BBOF1: variants seen among roughly 807,000 people sequenced by gnomAD.
The protein encoded by BBOF1 is basal body orientation factor 1.
A neutral mutation model predicts 68.0 loss-of-function variants in BBOF1; 62 were observed. That is an observed-to-expected ratio of 0.91 (90% CI 0.74 to 1.13). The LOEUF (loss-of-function observed/expected upper bound fraction) is 1.13. Among genes scored for constraint, BBOF1 ranks in the 50% most tolerant of loss-of-function variants. BBOF1 has a pLI of 0.00. For synonymous variants in BBOF1, 208 were observed against 198.8 expected, an observed-to-expected ratio of 1.05 and a Z score of -0.39; for missense variants, 534 against 600.1, an observed-to-expected ratio of 0.89 and a Z score of 1.15.
At chr14:74,023,266 T>A (rs985234667) in intron 2 of BBOF1, 122 bp downstream of exon 2, 2 of 586,794 alleles carry the variant, frequency 3.4e-6, no homozygotes, top group African/African-American at 1.9e-5. Context: ...ACATTTCAAT[T>A]GACCTTAACT....
intron 8 of BBOF1, 45 bp downstream of exon 8, chr14:74,050,240 G>A (rs867612073): frequency 1.3e-5 from 19 of 1,504,974 alleles, no homozygotes; most frequent in Middle Eastern, 1.8e-4. Flanking sequence ...CTATTTTTGT[G>A]TCCTTTACAG....
chr14:74,037,639 C>T (rs1490470544), intron 4 of BBOF1, among the ~76,000 whole-genome samples: 1 of 151,572 alleles, frequency 6.6e-6, no homozygotes, highest in Non-Finnish European at 1.5e-5. Flanking sequence ...ATGAGGTCTT[C>T]TCCTGGAGTC....
intron 9 of BBOF1, among the ~76,000 whole-genome samples, chr14:74,074,440 C>T (rs2139800835): frequency 6.6e-6 from 1 of 151,958 alleles, no homozygotes; most frequent in East Asian, 1.9e-4. Flanking sequence ...GTGCGTGCCA[C>T]CATGCCCAGC....
At chr14:74,036,380 G>A (rs1450666059) in intron 4 of BBOF1, among the ~76,000 whole-genome samples, 1 of 151,994 alleles carries the variant, frequency 6.6e-6, no homozygotes, top group African/African-American at 2.4e-5. Context: ...TTCTGATCAC[G>A]TCCTTCAAGA....
In BBOF1 at chr14:74,064,999, G is replaced by T; in HGVS notation, c.*300G>T. On this transcript the variant is annotated 3_prime_UTR_variant, in exon 12 of 12. Coordinates refer to ENST00000394009, the MANE Select transcript of BBOF1 (RefSeq NM_025057.3). ...AGAAACACAAAGGCATCAGAGACCA[G>T]TTTTAAATACCCACCTTCTACCCTA... 1 of 1,425,164 alleles carries T rather than the reference G, an allele frequency of 7.0e-7. No homozygotes were observed. Among genetic ancestry groups the T allele is most frequent in the Non-Finnish European group, 9.8e-7 (1 of 1,022,072 alleles). The allele number at this position is 1,425,164 out of a possible 1,614,324, so 88.3% of individuals were successfully genotyped here. A position where few individuals can be genotyped will look rare whatever the true frequency, so the allele number is the denominator to read the frequency against.
chr14:74,074,986 C>T (rs764104981), intron 9 of BBOF1: 4 of 1,613,844 alleles, frequency 2.5e-6, no homozygotes, highest in Non-Finnish European at 3.4e-6. Flanking sequence ...TGCTGAATAC[C>T]AGGTGGGACT....
downstream of BBOF1, among the ~76,000 whole-genome samples, chr14:74,070,405 G>A (rs528463637): frequency 1.3e-5 from 2 of 152,168 alleles, no homozygotes; most frequent in Admixed American, 1.3e-4. Context: ...TGTAATCCCA[G>A]CTATTTAAGA....
rs1450493954 is a variant in BBOF1, at chr14:74,019,531, C to T, written c.53C>T (p.Thr18Met). ...AAAGGCAAGAGCAAAGGCAAAGACA[C>T]GAAGTAAGGAGAAGCCACCCGAGAG... ...KKKGKSKGKD[T>M]KKLIKTDESV... The change falls in exon 1 of 12, where the codon ACG becomes ATG. Residue 18 changes from threonine (T) to methionine (M), a missense_variant. Physicochemically the swap from Thr to Met is moderately conservative, Grantham distance 81 (BLOSUM62 -1). Coordinates refer to ENST00000394009, the MANE Select transcript of BBOF1 (RefSeq NM_025057.3). 4.4e-6 allele frequency: 7 copies of T among 1,597,768 alleles called. No individual in the cohort carries two copies. The highest frequency in any genetic ancestry group is 1.1e-5 in the South Asian group (1 of 88,648).
chr14:74,058,714 A>C (rs1421132626), intron 11 of BBOF1: 2 of 152,144 alleles, frequency 1.3e-5, no homozygotes, highest in Non-Finnish European at 2.9e-5. Context: ...TTGGATTGGT[A>C]CTGCAAAAAG....
At chr14:74,046,252 G>T in intron 6 of BBOF1, 122 bp downstream of exon 6, 1 of 765,824 alleles carries the variant, frequency 1.3e-6, no homozygotes, top group Non-Finnish European at 2.0e-6. Context: ...AAATTTTCTG[G>T]TCTACTGTCC....
intron 2 of BBOF1, among the ~76,000 whole-genome samples, chr14:74,027,481 G>C (rs2059461831): frequency 1.4e-5 from 2 of 139,614 alleles, no homozygotes. Context: ...TGGCATCACA[G>C]TAATAACTGA....
At chr14:74,075,142 A>C in intron 9 of BBOF1, 1 of 788,996 alleles carries the variant, frequency 1.3e-6, no homozygotes, top group Non-Finnish European at 2.1e-6. Flanking sequence ...AAGGCCATAC[A>C]GTCATTAAAG....
chr14:74,023,622 A>G (rs935215683), intron 2 of BBOF1, among the ~76,000 whole-genome samples: 1 of 152,076 alleles, frequency 6.6e-6, no homozygotes, highest in African/African-American at 2.4e-5. Flanking sequence ...TTATATTTGG[A>G]AGAAAAAAGG....
chr14:74,072,690 C>T (rs1595127034), intron 9 of BBOF1: 1 of 1,500,702 alleles, frequency 6.7e-7, no homozygotes. Context: ...TTTCCCTTTC[C>T]CTTGCACCAA....
intron 9 of BBOF1, among the ~76,000 whole-genome samples, chr14:74,073,156 G>C (rs1239250255): frequency 6.6e-6 from 1 of 151,870 alleles, no homozygotes; most frequent in Admixed American, 6.6e-5. Flanking sequence ...GCCCAGGCTG[G>C]AGTGTAGTGT....
chr14:74,054,677 TC>T (rs1267243990), intron 8 of BBOF1, among the ~76,000 whole-genome samples: 1 of 124,794 alleles, frequency 8.0e-6, no homozygotes, highest in Non-Finnish European at 1.7e-5. Flanking sequence ...GCACCCAGGC[TC>T]TTTTTTTTTT....
chr14:74,072,425 G>A, intron 9 of BBOF1: 2 of 1,613,632 alleles, frequency 1.2e-6, no homozygotes, highest in Non-Finnish European at 1.7e-6. Context: ...TGTACATCCA[G>A]TCACAGAAGT....
Position 74,029,263 on chromosome 14 carries a change from G to A in BBOF1, c.351+14G>A. 6.7e-7 allele frequency: 1 copy of A among 1,502,334 alleles called. No individual in the cohort carries two copies. Among genetic ancestry groups the A allele is most frequent in the Non-Finnish European group, 9.1e-7 (1 of 1,099,900 alleles). The allele number at this position is 1,502,334 out of a possible 1,614,324, so 93.1% of individuals were successfully genotyped here. A position where few individuals can be genotyped will look rare whatever the true frequency, so the allele number is the denominator to read the frequency against. The stretch of plus-strand genomic sequence containing the variant: ...AAGGATAAATTGGTGAGTTATCTAT[G>A]TGTACTAATACTCCACTTACTGGAT... On this transcript the variant is annotated intron_variant, in intron 3 of 11. Coordinates refer to ENST00000394009, the MANE Select transcript of BBOF1 (RefSeq NM_025057.3).
intron 7 of BBOF1, among the ~76,000 whole-genome samples, chr14:74,049,281 C>G (rs1377025042): frequency 1.3e-5 from 2 of 151,966 alleles, no homozygotes; most frequent in African/African-American, 2.4e-5. Context: ...TTGTTACTCT[C>G]TATATAGAAT....
Sources: gnomAD v4.1 joint callset for allele counts (sites outside exome capture counted in the v4.1 genomes callset) on GRCh38, gnomAD v4.1.1 for gene constraint, MANE v1.5 for transcripts, NCBI Gene and HGNC (gene_info 2026-07-23, HGNC 2026-07-21) for gene names.